EIF3D: variants seen among roughly 807,000 people sequenced by gnomAD.
EIF3D encodes eIF3 p66.
In EIF3D, 10 loss-of-function variants were observed where a neutral mutation model predicts 75.4. The observed-to-expected ratio is 0.13, with a 90% CI of 0.08 to 0.22. The LOEUF is 0.22. EIF3D is among the 10% of genes least tolerant of loss of function. The pLI is 1.00. For missense variants in EIF3D, 394 were observed against 708.0 expected (o/e 0.56, Z 5.03); for synonymous variants, 246 against 248.3 (o/e 0.99, Z 0.09).
In EIF3D at chr22:36,518,753, C is replaced by G; in HGVS notation, c.859+10G>C. 1 of 1,613,812 alleles carries G rather than the reference C, an allele frequency of 6.2e-7. No individual in the cohort carries two copies. The highest frequency in any genetic ancestry group is 8.5e-7 in the Non-Finnish European group (1 of 1,179,984). ...ATGCCTTTGAGTTGCTCCCCAGGCA[C>G]GCTTCTTACCAAAGTCAGAGTTGTC... is the stretch of plus-strand genomic sequence containing the variant. On this transcript the variant is annotated intron_variant, in intron 9 of 14. Transcript: ENST00000216190.
chr22:36,521,639 C>A (rs1459797653), intron 6 of EIF3D, among the ~76,000 whole-genome samples: 1 of 151,990 alleles, frequency 6.6e-6, no homozygotes, highest in Non-Finnish European at 1.5e-5. Flanking sequence ...AAAAGAAGCT[C>A]ATCTGGGCTG....
chr22:36,516,582 C>A lies in EIF3D; in HGVS notation c.1102G>T (p.Asp368Tyr). 6.2e-7 allele frequency: 1 copy of A among 1,614,146 alleles called. No homozygotes were observed. The part of the protein sequence containing the change: ...YRYRRWKLGD[D>Y]IDLIVRCEHD... The stretch of plus-strand genomic sequence containing the variant: ...TCACAACGGACAATAAGGTCAATAT[C>A]ATCTCCAAGCTTCCACCTGCGGTAA... The change falls in exon 12 of 15, where the codon GAT becomes TAT. Residue 368 changes from aspartate to tyrosine, a missense_variant. Physicochemically the swap from Asp to Tyr is radical, Grantham distance 160. Transcript: ENST00000216190.
At chr22:36,527,433 G>T (rs6000298) in intron 1 of EIF3D, among the ~76,000 whole-genome samples, 1 of 152,028 alleles carries the variant, frequency 6.6e-6, no homozygotes, top group African/African-American at 2.4e-5. Flanking sequence ...AACCGGCGCT[G>T]TATAGCAGAT....
Position 36,516,756 on chromosome 22 carries a change from G to C in EIF3D, c.1025C>G (p.Pro342Arg). The change falls in exon 11 of 15, where the codon CCG becomes CGG. Residue 342 changes from proline to arginine, a missense_variant. Pro to Arg is a moderately radical substitution (Grantham distance 103, BLOSUM62 -2). Transcript: ENST00000216190. Reference sequence around the variant, plus strand: ...CTTATCCATGTCGTCCTCCACAAACGGGTTTGGGTTGGGGAAGTTGTATCT... The same window carrying C: ...CTTATCCATGTCGTCCTCCACAAACCGGTTTGGGTTGGGGAAGTTGTATCT... ...KERYNFPNPNPFVEDDMDKNE... is the reference protein window; with the variant it reads ...KERYNFPNPNRFVEDDMDKNE... The C allele has an allele frequency of 6.2e-7, 1 of 1,614,162 alleles. No homozygotes were observed. Among genetic ancestry groups the C allele is most frequent in the Non-Finnish European group, 8.5e-7 (1 of 1,180,020 alleles).
chr22:36,518,937 T>C (rs758342440), intron 8 of EIF3D, 27 bp from the exon 9 acceptor site: 21 of 1,611,638 alleles, frequency 1.3e-5, no homozygotes, highest in Non-Finnish European at 1.7e-5. Flanking sequence ...AGAGAGAAGA[T>C]GGAAAGACAC....
At chr22:36,517,081 T>C in intron 10 of EIF3D, 2 of 632,752 alleles carry the variant, frequency 3.2e-6, no homozygotes, top group East Asian at 2.8e-5. Context: ...GTTCACTGTG[T>C]TTCCTCCTCC....
In EIF3D at chr22:36,525,714, G is replaced by A. The variant is rs112974223; in HGVS notation, c.124-5C>T. The A allele has an allele frequency of 2.6e-3, 4,180 of 1,609,918 alleles. 82 individuals carry two copies. In the African/African-American group the frequency reaches 0.046, roughly 18 times the overall value. On this transcript the variant is annotated splice_region_variant and splice_polypyrimidine_tract_variant and intron_variant, in intron 2 of 14. Coordinates refer to ENST00000216190, the MANE Select transcript of EIF3D (RefSeq NM_003753.4). ...GGCTCCTGTCCAGTCTGCAACCTAC[G>A]AAGAACAAGAAAAGACAGAGAATGC...
At chr22:36,521,388 A>G (rs1603498959) in intron 6 of EIF3D, among the ~76,000 whole-genome samples, 1 of 152,158 alleles carries the variant, frequency 6.6e-6, no homozygotes, top group South Asian at 2.1e-4. Flanking sequence ...AAGGTCCTTT[A>G]TATTTCTCTC....
At chr22:36,517,960 C>A (rs901642382) in intron 9 of EIF3D, among the ~76,000 whole-genome samples, 2 of 151,954 alleles carry the variant, frequency 1.3e-5, no homozygotes, top group Admixed American at 6.6e-5. Flanking sequence ...GTTGGCCAGG[C>A]TTGGTCTCGA....
chr22:36,525,956 G>T, intron 2 of EIF3D, 43 bp downstream of exon 2: 1 of 1,568,386 alleles, frequency 6.4e-7, no homozygotes, highest in Admixed American at 2.0e-5. Flanking sequence ...GAGAGTAGCA[G>T]CCACAGCTGC....
In EIF3D at chr22:36,518,818, G is replaced by A. The variant is rs150065044; in HGVS notation, c.804C>T (p.Val268=). 9 of 1,614,174 alleles carry A rather than the reference G, an allele frequency of 5.6e-6. No individual in the cohort carries two copies. The highest frequency in any genetic ancestry group is 4.0e-5 in the African/African-American group (3 of 75,038). The change falls in exon 9 of 15, where the codon GTC becomes GTT. Residue 268 remains valine, a synonymous_variant. Transcript: ENST00000216190. ...AGAGTTTGGACCCAACTCTCTGGACGACAATATCCCAGGAATACACTGAGC... is the reference window on the plus strand; with the variant it reads ...AGAGTTTGGACCCAACTCTCTGGACAACAATATCCCAGGAATACACTGAGC... ...CTRSVYSWDI[V]VQRVGSKLFF...
intron 9 of EIF3D, among the ~76,000 whole-genome samples, chr22:36,517,739 G>A (rs9622408): frequency 0.022 from 3,278 of 152,128 alleles, 119 homozygotes; most frequent in African/African-American, 0.076. Flanking sequence ...CAGGCTTCAG[G>A]CTCAGAATAT....
Position 36,520,537 on chromosome 22 carries a change from A to T in EIF3D, c.578+39T>A, listed in dbSNP as rs755974436. 6 of 1,440,622 alleles carry T rather than the reference A, an allele frequency of 4.2e-6. No individual in the cohort carries two copies. In the South Asian group the frequency reaches 6.9e-5, roughly 17 times the overall value. The allele number at this position is 1,440,622 out of a possible 1,614,324, so 89.2% of individuals were successfully genotyped here. ...ACCCATCACCAGCTGGTCCACACACATAAGAGCAGTGTAGAAAGTAGTAAA... is the reference window on the plus strand; with the variant it reads ...ACCCATCACCAGCTGGTCCACACACTTAAGAGCAGTGTAGAAAGTAGTAAA... On this transcript the variant is annotated intron_variant, in intron 7 of 14. Transcript: ENST00000216190.
rs780419646 is a variant in EIF3D, at chr22:36,520,603, T to G, written c.551A>C (p.Tyr184Ser). Reference protein sequence around the residue: ...MDFPQLMKMRYLEVSEPQDIE... With the variant: ...MDFPQLMKMRSLEVSEPQDIE... ...GTCCTGTGGCTCTGATACTTCCAAGTAGCGCATCTTCATCAACTGAGGAAA... is the reference window on the plus strand; with the variant it reads ...GTCCTGTGGCTCTGATACTTCCAAGGAGCGCATCTTCATCAACTGAGGAAA... The change falls in exon 7 of 15, where the codon TAC becomes TCC. Residue 184 changes from tyrosine (Y) to serine (S), a missense_variant. Coordinates refer to ENST00000216190, the MANE Select transcript of EIF3D (RefSeq NM_003753.4). 3 of 1,613,108 alleles carry G rather than the reference T, an allele frequency of 1.9e-6. No homozygotes were observed. Among genetic ancestry groups the G allele is most frequent in the African/African-American group, 2.7e-5 (2 of 74,874 alleles).
intron 5 of EIF3D, 130 bp downstream of exon 5, chr22:36,523,765 C>T (rs1934552816): frequency 6.9e-6 from 6 of 867,222 alleles, no homozygotes; most frequent in Non-Finnish European, 1.2e-5. Flanking sequence ...GGGGGCTTAA[C>T]TGGTTGTAGA....
At position 36,523,232 on chromosome 22, in the gene EIF3D, G is replaced by A. The variant is rs754182096; in HGVS notation, c.442C>T (p.Gln148Ter). The A allele has an allele frequency of 6.2e-7, 1 of 1,613,900 alleles. No individual in the cohort carries two copies. Reference protein sequence around the residue: ...KKFQKQFGVRQKWDQKSQKPR... With the variant: ...KKFQKQFGVR ...ACCTGTGATTTCTGATCCCATTTCT[G>A]CCTAACCCCAAATTGTTTCTGGAAC... Residue 148 changes from glutamine to a stop codon, truncating the protein, a stop_gained, in exon 6 of 15, where the codon CAG (glutamine) becomes TAG (stop). Transcript: ENST00000216190. LOFTEE classifies it high-confidence loss of function.
chr22:36,528,543 G>T (rs888678575), intron 1 of EIF3D, among the ~76,000 whole-genome samples: 3 of 148,232 alleles, frequency 2.0e-5, no homozygotes, highest in African/African-American at 7.8e-5. Flanking sequence ...ACTCAGAAGG[G>T]GCTCTGTGGT....
chr22:36,511,634 A>T lies in EIF3D; in HGVS notation c.1502T>A (p.Leu501Gln), dbSNP rs1179203561. 6.2e-7 allele frequency: 1 copy of T among 1,614,132 alleles called. No individual in the cohort carries two copies. ...GAGGATGAGGTATTTGCCCTCCTCC[A>T]GCTTCATGCAGATGTCAATGACGCA... The part of the protein sequence containing the change: ...LRCVIDICMK[L>Q]EEGKYLILKD... The change falls in exon 14 of 15, where the codon CTG becomes CAG. Residue 501 changes from leucine (L) to glutamine (Q), a missense_variant. Transcript: ENST00000216190.
At chr22:36,526,652 T>G (rs773756349) in intron 1 of EIF3D, among the ~76,000 whole-genome samples, 2 of 151,712 alleles carry the variant, frequency 1.3e-5, no homozygotes, top group Admixed American at 6.6e-5. Context: ...TTGTCACCCA[T>G]GCTGGGGTGC....
Sources: gnomAD v4.1 joint callset for allele counts (sites outside exome capture counted in the v4.1 genomes callset) on GRCh38, gnomAD v4.1.1 for gene constraint, MANE v1.5 for transcripts, NCBI Gene and HGNC (gene_info 2026-07-23, HGNC 2026-07-21) for gene names.